NKAIN2: variants seen among roughly 807,000 people sequenced by gnomAD.
NKAIN2 encodes the protein sodium/potassium-transporting ATPase subunit beta-1-interacting protein 2.
In NKAIN2, 14 loss-of-function variants were observed where a neutral mutation model predicts 32.6. The observed-to-expected ratio is 0.43, with a 90% CI of 0.28 to 0.67. NKAIN2 has a LOEUF of 0.67. Ranked by LOEUF, NKAIN2 falls within the 30% of genes least tolerant of loss-of-function variation. The probability of loss-of-function intolerance (pLI) is 0.17; values close to 1 mark genes in which losing one functional copy is unlikely to be tolerated. For synonymous variants in NKAIN2, 80 were observed against 87.2 expected, an observed-to-expected ratio of 0.92 and a Z score of 0.46; for missense variants, 198 against 258.3, an observed-to-expected ratio of 0.77 and a Z score of 1.60.
At chr6:123,914,588 C>A (rs1005130227) in intron 1 of NKAIN2, among the ~76,000 whole-genome samples, 2 of 152,040 alleles carry the variant, frequency 1.3e-5, no homozygotes, top group African/African-American at 2.4e-5. Flanking sequence ...CTAATCATTC[C>A]CAGTTTACAG....
intron 1 of NKAIN2, among the ~76,000 whole-genome samples, chr6:124,079,432 TA>T (rs1464549686): frequency 1.3e-5 from 2 of 152,202 alleles, no homozygotes; most frequent in Non-Finnish European, 2.9e-5. Flanking sequence ...AATAAAAATA[TA>T]TTTTTTTAGA....
At chr6:124,718,919 T>C (rs1014634430) in intron 4 of NKAIN2, among the ~76,000 whole-genome samples, 2 of 152,054 alleles carry the variant, frequency 1.3e-5, no homozygotes, top group Non-Finnish European at 2.9e-5. Flanking sequence ...TAAAAAAAAA[T>C]GAACTACAAT....
At chr6:124,391,623 C>T (rs1321083515) in intron 3 of NKAIN2, among the ~76,000 whole-genome samples, 4 of 152,034 alleles carry the variant, frequency 2.6e-5, no homozygotes, top group African/African-American at 7.2e-5. Flanking sequence ...AGTAAAAATC[C>T]CCCAGTGACA....
At chr6:124,173,426 TA>T (rs1415067656) in intron 1 of NKAIN2, among the ~76,000 whole-genome samples, 1 of 152,116 alleles carries the variant, frequency 6.6e-6, no homozygotes, top group African/African-American at 2.4e-5. Flanking sequence ...GTGAGATACC[TA>T]TTCCTACCTC....
intron 3 of NKAIN2, among the ~76,000 whole-genome samples, chr6:124,406,582 T>C (rs551516418): frequency 1.3e-5 from 2 of 152,258 alleles, no homozygotes; most frequent in East Asian, 3.9e-4. Flanking sequence ...ACTTTGTTTC[T>C]CTTGGGTTAA....
chr6:123,903,682 A>C (rs1774715249), intron 1 of NKAIN2, among the ~76,000 whole-genome samples: 1 of 152,170 alleles, frequency 6.6e-6, no homozygotes, highest in African/African-American at 2.4e-5. Flanking sequence ...GTAAGTTTTC[A>C]AGATAGGATT....
In NKAIN2 at chr6:123,933,029, G is replaced by C. The variant is rs78867619; in HGVS notation, c.54+128775G>C. 3.3e-3 allele frequency among the ~76,000 whole-genome samples: 501 copies of C among 152,150 alleles called. 1 individual carries two copies. The highest frequency in any genetic ancestry group is 5.2e-3 in the Non-Finnish European group (353 of 68,004). On this transcript the variant is annotated intron_variant, in intron 1 of 6. Coordinates refer to ENST00000368417, the MANE Select transcript of NKAIN2 (RefSeq NM_001040214.3). The stretch of plus-strand genomic sequence containing the variant: ...ATCTCCTCAAAATACTTTACTGTCT[G>C]TCTGTTACCAACATCAGCAATTCTT...
At chr6:124,264,760 T>G (rs1477729679) in intron 1 of NKAIN2, among the ~76,000 whole-genome samples, 1 of 152,204 alleles carries the variant, frequency 6.6e-6, no homozygotes, top group Non-Finnish European at 1.5e-5. Context: ...CATCTAAGTA[T>G]AGTTTTTAAT....
intron 3 of NKAIN2, among the ~76,000 whole-genome samples, chr6:124,392,051 C>T (rs1197907841): frequency 6.6e-6 from 1 of 152,122 alleles, no homozygotes; most frequent in African/African-American, 2.4e-5. Flanking sequence ...AGGCAGAACT[C>T]AAGGCAATGT....
chr6:123,913,444 C>G (rs1159392246), intron 1 of NKAIN2, among the ~76,000 whole-genome samples: 1 of 152,078 alleles, frequency 6.6e-6, no homozygotes, highest in Non-Finnish European at 1.5e-5. Flanking sequence ...TGTTCTCTGG[C>G]TCTGTTTTGA....
At chr6:124,504,055 A>G (rs1778387499) in intron 3 of NKAIN2, among the ~76,000 whole-genome samples, 1 of 152,130 alleles carries the variant, frequency 6.6e-6, no homozygotes, top group Non-Finnish European at 1.5e-5. Context: ...ATTTAACTGA[A>G]TAAACTTATC....
At chr6:124,522,878 T>A (rs1017115058) in intron 3 of NKAIN2, among the ~76,000 whole-genome samples, 4 of 152,100 alleles carry the variant, frequency 2.6e-5, no homozygotes, top group African/African-American at 9.6e-5. Flanking sequence ...GCGCGGTGGC[T>A]CACGCCTGTA....
chr6:123,994,729 T>C (rs1459444423), intron 1 of NKAIN2, among the ~76,000 whole-genome samples: 1 of 152,202 alleles, frequency 6.6e-6, no homozygotes, highest in African/African-American at 2.4e-5. Context: ...TAAAGTTTGA[T>C]TTACTGTTAA....
At chr6:124,616,132 C>G (rs899018282) in intron 3 of NKAIN2, among the ~76,000 whole-genome samples, 3 of 151,962 alleles carry the variant, frequency 2.0e-5, no homozygotes, top group Non-Finnish European at 4.4e-5. Context: ...TGTAGTTTCC[C>G]CAAACTCTAT....
At chr6:124,010,719 T>A (rs529632725) in intron 1 of NKAIN2, among the ~76,000 whole-genome samples, 130 of 152,060 alleles carry the variant, frequency 8.5e-4, no homozygotes, top group African/African-American at 3.1e-3. Context: ...TGTGGAAGGT[T>A]AGACTGAAAC....
intron 1 of NKAIN2, among the ~76,000 whole-genome samples, chr6:124,131,600 C>T (rs1786480068): frequency 6.6e-6 from 1 of 152,164 alleles, no homozygotes; most frequent in South Asian, 2.1e-4. Flanking sequence ...ACACACATCT[C>T]CACTGGGGAA....
At chr6:124,701,747 C>T (rs1774804306) in intron 4 of NKAIN2, among the ~76,000 whole-genome samples, 1 of 152,044 alleles carries the variant, frequency 6.6e-6, no homozygotes, top group Non-Finnish European at 1.5e-5. Flanking sequence ...GTATTTTTTA[C>T]ATTAAGAACC....
At position 124,692,794 on chromosome 6, in the gene NKAIN2, G is replaced by C. The variant is rs566326283; in HGVS notation, c.474+34408G>C. ...TCACACCACTGCACACCCAGCCTAGGCGACAGAGCAAGGCTGTCTCAAAAG... is the reference window on the plus strand; with the variant it reads ...TCACACCACTGCACACCCAGCCTAGCCGACAGAGCAAGGCTGTCTCAAAAG... On this transcript the variant is annotated intron_variant, in intron 4 of 6. Transcript: ENST00000368417. Among the ~76,000 whole-genome samples, 9 of 152,096 alleles carry C rather than the reference G, an allele frequency of 5.9e-5. No individual in the cohort carries two copies. In the East Asian group the frequency reaches 1.7e-3, roughly 29 times the overall value.
intron 4 of NKAIN2, among the ~76,000 whole-genome samples, chr6:124,723,860 G>A (rs1776145493): frequency 6.6e-6 from 1 of 152,092 alleles, no homozygotes; most frequent in East Asian, 1.9e-4. Context: ...AAAATGCTGG[G>A]CATCTTTCCA....
Sources: gnomAD v4.1 joint callset for allele counts (sites outside exome capture counted in the v4.1 genomes callset) on GRCh38, gnomAD v4.1.1 for gene constraint, MANE v1.5 for transcripts, NCBI Gene and HGNC (gene_info 2026-07-23, HGNC 2026-07-21) for gene names.